The following PLEKHG1 variants were observed in gnomAD, a reference collection of about 807,000 sequenced individuals.
PLEKHG1 encodes the protein pleckstrin homology domain-containing family G member 1.
Under a neutral mutation model 100.8 loss-of-function variants are expected in PLEKHG1, and 44 were observed. The ratio of observed to expected loss-of-function variants is 0.44; its 90% CI spans 0.34 to 0.56. The LOEUF (loss-of-function observed/expected upper bound fraction) is 0.56, where lower values mean the gene tolerates loss of function less well. Ranked by LOEUF, PLEKHG1 falls within the 20% of genes least tolerant of loss-of-function variation. PLEKHG1 has a pLI of 0.01. For missense variants in PLEKHG1, 1,545 were observed against 1,720.9 expected (o/e 0.90, Z 1.81); for synonymous variants, 640 against 662.5 (o/e 0.97, Z 0.52).
chr6:150,779,344 G>GTTTGTTTTTTGT (rs1257363893), intron 3 of PLEKHG1, among the ~76,000 whole-genome samples: 1 of 104,536 alleles, frequency 9.6e-6, no homozygotes, highest in African/African-American at 4.3e-5. Flanking sequence ...TTGTCAAGAA[G>GTTTGTTTTTTGT]TTTTTTTTTT....
At chr6:150,602,018 A>T (rs549565698) in intron 1 of PLEKHG1, among the ~76,000 whole-genome samples, 1 of 152,240 alleles carries the variant, frequency 6.6e-6, no homozygotes, top group Non-Finnish European at 1.5e-5. Context: ...AAGTGGCAAC[A>T]TAATTTTTCA....
chr6:150,829,682 A>G (rs1336088988), intron 14 of PLEKHG1, among the ~76,000 whole-genome samples: 1 of 152,204 alleles, frequency 6.6e-6, no homozygotes, highest in Non-Finnish European at 1.5e-5. Context: ...ACTTCCTTAT[A>G]GGCAACTAAA....
chr6:150,679,323 T>C (rs959665230), intron 3 of PLEKHG1, among the ~76,000 whole-genome samples: 1 of 152,242 alleles, frequency 6.6e-6, no homozygotes, highest in Non-Finnish European at 1.5e-5. Flanking sequence ...TTAAATTTCT[T>C]GAACTTCATG....
chr6:150,725,296 T>C (rs1202129796), intron 1 of PLEKHG1, among the ~76,000 whole-genome samples: 1 of 152,084 alleles, frequency 6.6e-6, no homozygotes, highest in Non-Finnish European at 1.5e-5. Flanking sequence ...CAGCCCCCCC[T>C]CCTAATACCA....
chr6:150,806,618 G>A (rs564229894), intron 7 of PLEKHG1, among the ~76,000 whole-genome samples: 169 of 150,820 alleles, frequency 1.1e-3, no homozygotes, highest in Middle Eastern at 3.4e-3. Context: ...CCCGGGAGGT[G>A]GATGCCATTG....
At chr6:150,833,299 C>T (rs933443108) in intron 15 of PLEKHG1, among the ~76,000 whole-genome samples, 2 of 152,130 alleles carry the variant, frequency 1.3e-5, no homozygotes, top group Admixed American at 6.5e-5. Flanking sequence ...GTGACTCTCC[C>T]ACCTTGGCCT....
intron 3 of PLEKHG1, among the ~76,000 whole-genome samples, chr6:150,696,189 T>C (rs1562442546): frequency 6.6e-6 from 1 of 152,198 alleles, no homozygotes. Context: ...ACATATCCTT[T>C]AAATGATTTA....
At position 150,809,208 on chromosome 6, in the gene PLEKHG1, G is replaced by A. The variant is rs763215463; in HGVS notation, c.1016G>A (p.Arg339Gln). 12 of 1,612,820 alleles carry A rather than the reference G, an allele frequency of 7.4e-6. No individual in the cohort carries two copies. Among genetic ancestry groups the A allele is most frequent in the East Asian group, 2.2e-5 (1 of 44,768 alleles). ...CGCATCCAGCGAGCCAAGAATGAGC[G>A]GACGCTCTTCCTCTTCGACAAGCTG... The change falls in exon 8 of 16, where the codon CGG (arginine) becomes CAG (glutamine). Residue 339 changes from arginine to glutamine, a missense_variant. Arg to Gln is a conservative substitution (Grantham distance 43). Coordinates refer to ENST00000358517, the Ensembl canonical transcript of PLEKHG1.
At chr6:150,617,759 G>C (rs903139351) in intron 1 of PLEKHG1, among the ~76,000 whole-genome samples, 3 of 152,196 alleles carry the variant, frequency 2.0e-5, no homozygotes, top group African/African-American at 7.2e-5. Context: ...AAAATGCAGA[G>C]GATTTCCTTC....
chr6:150,747,296 C>T (rs913403762), intron 2 of PLEKHG1, among the ~76,000 whole-genome samples: 2 of 152,136 alleles, frequency 1.3e-5, no homozygotes, highest in South Asian at 2.1e-4. Flanking sequence ...CTTGCACCTT[C>T]GAAAACTGAT....
intron 14 of PLEKHG1, 96 bp downstream of exon 15, chr6:150,823,772 A>G: frequency 1.3e-6 from 1 of 796,476 alleles, no homozygotes; most frequent in South Asian, 1.6e-5. Context: ...CCCGTATTCC[A>G]AGTGTCAACA....
rs1780001223 is a variant in PLEKHG1 at position 150,683,453 on chromosome 6, C to CG, written c.-99+32672dup. 6.6e-6 allele frequency among the ~76,000 whole-genome samples: 1 copy of CG among 151,892 alleles called. No individual in the cohort carries two copies. The highest frequency in any genetic ancestry group is 1.5e-5 in the Non-Finnish European group (1 of 67,988). On this transcript the variant is annotated intron_variant, in intron 3 of 3. Coordinates refer to the PLEKHG1 transcript ENST00000367326. This position sits in a 1 kb window ranked among gnomAD's most constrained non-coding sequence, Gnocchi z 4.0. ...TGTTGAGCTGCTTCCCTTTGCATCT[C>CG]GGGGGAAGGTGTGGTTCACCCGCAG... is the stretch of plus-strand genomic sequence containing the variant.
intron 2 of PLEKHG1, among the ~76,000 whole-genome samples, chr6:150,741,666 TCC>T (rs140623865): frequency 0.043 from 6,534 of 152,192 alleles, 423 homozygotes; most frequent in African/African-American, 0.14. Flanking sequence ...AAGTGACTTA[TCC>T]CCCAGGTCAC....
chr6:150,830,560 G>T, intron 14 of PLEKHG1, 22 bp from the exon 16 acceptor site: 3 of 1,543,806 alleles, frequency 1.9e-6, no homozygotes, highest in South Asian at 2.5e-5. Flanking sequence ...TGATTCAGTT[G>T]ATATGTTTCC....
At chr6:150,734,479 C>T (rs1474617019) in intron 2 of PLEKHG1, among the ~76,000 whole-genome samples, 1 of 152,186 alleles carries the variant, frequency 6.6e-6, no homozygotes, top group Non-Finnish European at 1.5e-5. Flanking sequence ...TTACCTTAAT[C>T]ACCACTCGCT....
chr6:150,733,863 C>G, exon 2 of PLEKHG1: 4 of 1,614,168 alleles, frequency 2.5e-6, no homozygotes, highest in Non-Finnish European at 2.5e-6. Flanking sequence ...CCTGCCAGGC[C>G]GTTTTCCAGC....
At chr6:150,601,573 C>CT (rs1393057069) in intron 1 of PLEKHG1, among the ~76,000 whole-genome samples, 2 of 152,180 alleles carry the variant, frequency 1.3e-5, no homozygotes, top group African/African-American at 4.8e-5. Context: ...CCTGACTTGA[C>CT]TTTTTGTCTC....
intron 7 of PLEKHG1, among the ~76,000 whole-genome samples, chr6:150,806,223 CT>C (rs58040509): frequency 0.015 from 1,345 of 89,708 alleles, 4 homozygotes; most frequent in African/African-American, 0.039. Flanking sequence ...TTCCAGGCTG[CT>C]TTTTTTTTTT....
chr6:150,764,381 AG>A (rs894827845), intron 2 of PLEKHG1, among the ~76,000 whole-genome samples: 97 of 152,192 alleles, frequency 6.4e-4, no homozygotes, highest in African/African-American at 2.3e-3. Flanking sequence ...TGCCTCCCAA[AG>A]TATTGGGATT....
Sources: gnomAD v4.1 joint callset for allele counts (sites outside exome capture counted in the v4.1 genomes callset) on GRCh38, gnomAD v4.1.1 for gene constraint, Gnocchi (gnomAD v3.1) non-coding constraint, MANE v1.5 for transcripts, NCBI Gene and HGNC (gene_info 2026-07-23, HGNC 2026-07-21) for gene names.